DYNLT2B: variants seen among roughly 807,000 people sequenced by gnomAD.
The protein encoded by DYNLT2B is dynein light chain Tctex-type 2B.
Under a neutral mutation model 19.5 loss-of-function variants are expected in DYNLT2B, and 14 were observed. That is an observed-to-expected ratio of 0.72 (90% CI 0.47 to 1.12). The LOEUF (loss-of-function observed/expected upper bound fraction) is 1.12. DYNLT2B is among the 50% of genes most tolerant of loss of function. The pLI, the probability that DYNLT2B is intolerant of heterozygous loss-of-function variation, is 0.00. For missense variants in DYNLT2B, 133 were observed against 174.7 expected, an observed-to-expected ratio of 0.76 and a Z score of 1.35; for synonymous variants, 70 against 59.7, an observed-to-expected ratio of 1.17 and a Z score of -0.79.
chr3:196,315,940 A>G (rs1726778782), intron 2 of DYNLT2B, 158 bp downstream of exon 2: 1 of 722,368 alleles, frequency 1.4e-6, no homozygotes, highest in Non-Finnish European at 2.2e-6. Context: ...CCAGAGCTCA[A>G]GCAATCTTCC....
chr3:196,317,113 A>G (rs1726855938), intron 1 of DYNLT2B, among the ~76,000 whole-genome samples: 2 of 105,312 alleles, frequency 1.9e-5, no homozygotes, highest in Non-Finnish European at 3.7e-5. Flanking sequence ...TACAAACCTG[A>G]GTACCCTCTG....
At chr3:196,307,584 T>C (rs1202664327) in intron 2 of DYNLT2B, among the ~76,000 whole-genome samples, 1 of 151,668 alleles carries the variant, frequency 6.6e-6, no homozygotes, top group Admixed American at 6.6e-5. Flanking sequence ...ATTACAGGCG[T>C]GAGCCACCGC....
intron 3 of DYNLT2B, among the ~76,000 whole-genome samples, chr3:196,301,645 G>A (rs1046049587): frequency 1.3e-5 from 2 of 151,920 alleles, no homozygotes; most frequent in African/African-American, 4.8e-5. Context: ...CCTGGAAGGT[G>A]GAGGCTGCAG....
intron 2 of DYNLT2B, among the ~76,000 whole-genome samples, chr3:196,308,914 T>TAA (rs947191900): frequency 6.9e-6 from 1 of 144,566 alleles, no homozygotes; most frequent in African/African-American, 2.6e-5. Context: ...GAGGGGAACT[T>TAA]AAAAAAAAAA....
At chr3:196,313,864 G>A (rs1263299766) in intron 2 of DYNLT2B, among the ~76,000 whole-genome samples, 2 of 151,818 alleles carry the variant, frequency 1.3e-5, no homozygotes, top group African/African-American at 4.8e-5. Context: ...TTGGGAGGCC[G>A]AGGCGGACGG....
chr3:196,311,277 TG>T (rs1726635190), intron 2 of DYNLT2B, among the ~76,000 whole-genome samples: 1 of 151,730 alleles, frequency 6.6e-6, no homozygotes, highest in South Asian at 2.1e-4. Context: ...TAGCCGGGTG[TG>T]GTGGCAGGCG....
chr3:196,291,286 T>C lies in DYNLT2B; in HGVS notation c.*41A>G, dbSNP rs748862433. Reference sequence around the variant, plus strand: ...TTAACAATATTAAAAAGTTCAGATTTCTTCATGGTCATGTCTTTTACCAGC... The same window carrying C: ...TTAACAATATTAAAAAGTTCAGATTCCTTCATGGTCATGTCTTTTACCAGC... On this transcript the variant is annotated 3_prime_UTR_variant, in exon 5 of 5. Transcript: ENST00000325318. 4 of 1,568,782 alleles carry C rather than the reference T, an allele frequency of 2.5e-6. No individual in the cohort carries two copies.
At chr3:196,296,841 G>A (rs994800988) in intron 3 of DYNLT2B, among the ~76,000 whole-genome samples, 22 of 152,114 alleles carry the variant, frequency 1.4e-4, no homozygotes, top group Non-Finnish European at 2.9e-5. Flanking sequence ...TTTGAGCCCA[G>A]GAGTTCAGGG....
intron 3 of DYNLT2B, among the ~76,000 whole-genome samples, chr3:196,301,966 G>A (rs748551082): frequency 6.6e-6 from 1 of 152,082 alleles, no homozygotes; most frequent in Non-Finnish European, 1.5e-5. Context: ...AATTGGCCAG[G>A]CACGGTGGCT....
chr3:196,306,729 C>T (rs934786443), intron 3 of DYNLT2B, among the ~76,000 whole-genome samples: 7 of 151,696 alleles, frequency 4.6e-5, no homozygotes, highest in African/African-American at 7.3e-5. Flanking sequence ...TTAGTAGAGA[C>T]GGGGTTTCGC....
intron 2 of DYNLT2B, among the ~76,000 whole-genome samples, chr3:196,311,328 T>C (rs1726636870): frequency 6.6e-6 from 1 of 151,568 alleles, no homozygotes; most frequent in African/African-American, 2.4e-5. Context: ...GATGGGAGGA[T>C]TGCTTGAGGC....
rs192285746 is a variant in DYNLT2B, at chr3:196,307,240, C to T, written c.248-228G>A. ...TTCAGTTTAAGTCTCCCTTATTAAA[C>T]AGGAATATCAGTACCTACCTCCCAA... is the stretch of plus-strand genomic sequence containing the variant. On this transcript the variant is annotated intron_variant, in intron 2 of 4. Coordinates refer to ENST00000325318, the MANE Select transcript of DYNLT2B (RefSeq NM_152773.5). Among the ~76,000 whole-genome samples the T allele has an allele frequency of 2.2e-3, 333 of 152,260 alleles. 1 individual carries two copies. The highest frequency in any genetic ancestry group is 7.7e-3 in the African/African-American group (320 of 41,552).
At chr3:196,307,171 A>C (rs1038729352) in intron 2 of DYNLT2B, among the ~76,000 whole-genome samples, 159 bp from the exon 3 acceptor site, 1 of 152,172 alleles carries the variant, frequency 6.6e-6, no homozygotes, top group Non-Finnish European at 1.5e-5. Flanking sequence ...GCAGATCCTA[A>C]CTATAACTCA....
Position 196,312,197 on chromosome 3 carries a change from T to C in DYNLT2B, c.247+3901A>G, listed in dbSNP as rs182305781. On this transcript the variant is annotated intron_variant, in intron 2 of 4. Transcript: ENST00000325318. ...GCCCAGCCCCTAAATTTTGTATTTT[T>C]ACTAGAGACGGGGTTTCACCATATT... is the stretch of plus-strand genomic sequence containing the variant. Among the ~76,000 whole-genome samples, 5 of 151,862 alleles carry C rather than the reference T, an allele frequency of 3.3e-5. No individual in the cohort carries two copies. In the East Asian group the frequency reaches 9.8e-4, roughly 30 times the overall value.
chr3:196,312,124 C>T (rs1024750420), intron 2 of DYNLT2B, among the ~76,000 whole-genome samples: 1 of 152,226 alleles, frequency 6.6e-6, no homozygotes, highest in South Asian at 2.1e-4. Flanking sequence ...AAGTGATCCG[C>T]CCGCCTCGGC....
intron 1 of DYNLT2B, 34 bp from the exon 2 acceptor site, chr3:196,316,265 G>T: frequency 6.3e-7 from 1 of 1,585,868 alleles, no homozygotes; most frequent in South Asian, 1.2e-5. Flanking sequence ...TCCAGTCGGT[G>T]ACTCCACAAC....
At chr3:196,317,321 C>G (rs1231681028) in intron 1 of DYNLT2B, among the ~76,000 whole-genome samples, 1 of 89,224 alleles carries the variant, frequency 1.1e-5, no homozygotes, top group Non-Finnish European at 2.3e-5. Context: ...ATCTTACAAA[C>G]CTAGCTGAGT....
chr3:196,318,098 C>A lies in DYNLT2B; in HGVS notation c.55G>T (p.Glu19Ter). Reference sequence around the variant, plus strand: ...TTCTCGGGCTCCCCTGCGTTCTTCTCAGCCTCAGGCACCCCGTCGCCCACC... The same window carrying A: ...TTCTCGGGCTCCCCTGCGTTCTTCTAAGCCTCAGGCACCCCGTCGCCCACC... The part of the protein sequence containing the change: ...FSVGDGVPEA[E>*]KNAGEPENTY... The change falls in exon 1 of 5, where the codon GAG (glutamate) becomes TAG (stop). Residue 19 changes from glutamate to a stop codon, truncating the protein, a stop_gained. Coordinates refer to ENST00000325318, the MANE Select transcript of DYNLT2B (RefSeq NM_152773.5). LOFTEE classifies it high-confidence loss of function. The A allele has an allele frequency of 6.4e-7, 1 of 1,566,130 alleles. No homozygotes were observed. Among genetic ancestry groups the A allele is most frequent in the East Asian group, 2.6e-5 (1 of 38,980 alleles).
At chr3:196,308,423 G>A (rs1450847578) in intron 2 of DYNLT2B, among the ~76,000 whole-genome samples, 1 of 152,112 alleles carries the variant, frequency 6.6e-6, no homozygotes, top group Non-Finnish European at 1.5e-5. Flanking sequence ...AGATTCCAGA[G>A]CAAAACGAGG....
Sources: allele counts gnomAD v4.1 joint callset (sites outside exome capture counted in the v4.1 genomes callset), GRCh38; gene constraint gnomAD v4.1.1; transcripts MANE v1.5; gene names NCBI Gene and HGNC (gene_info 2026-07-23, HGNC 2026-07-21).